ITGA4: variants seen among roughly 807,000 people sequenced by gnomAD.
ITGA4 encodes the protein integrin alpha-4.
Under a neutral mutation model 133.6 loss-of-function variants are expected in ITGA4, and 63 were observed. That is an observed-to-expected ratio of 0.47 (90% CI 0.38 to 0.58). The LOEUF (loss-of-function observed/expected upper bound fraction) is 0.58. ITGA4 is among the 20% of genes least tolerant of loss of function. ITGA4 has a pLI of 0.00. For missense variants in ITGA4, 1,076 were observed against 1,252.7 expected, an observed-to-expected ratio of 0.86 and a Z score of 2.13; for synonymous variants, 483 against 438.0, an observed-to-expected ratio of 1.10 and a Z score of -1.28.
chr2:181,476,455 A>G (rs1439417370), intron 4 of ITGA4, among the ~76,000 whole-genome samples: 1 of 152,176 alleles, frequency 6.6e-6, no homozygotes, highest in Non-Finnish European at 1.5e-5. Context: ...AATTTATTGA[A>G]GTTTTCTGCT....
rs189668801 is a variant in ITGA4, at chr2:181,494,985, G to T, written c.1339+173G>T. 2.9e-3 allele frequency among the ~76,000 whole-genome samples: 443 copies of T among 152,100 alleles called. 3 individuals are homozygous for T. Among genetic ancestry groups the T allele is most frequent in the South Asian group, 6.9e-3 (33 of 4,802 alleles). On this transcript the variant is annotated intron_variant, in intron 12 of 27. Transcript: ENST00000397033. ...CCTAAAATGATCAAGTAATTCCTCAGCTTAACAGTGCTAGTTACACAATGT... is the reference window on the plus strand; with the variant it reads ...CCTAAAATGATCAAGTAATTCCTCATCTTAACAGTGCTAGTTACACAATGT...
In ITGA4 at chr2:181,494,138, G is replaced by A. The variant is rs572915574; in HGVS notation, c.1249-584G>A. ...TATTTATAAACCTGTATGTGAACAT[G>A]AAATTAGATATGTGGAATAGAAAGT... On this transcript the variant is annotated intron_variant, in intron 11 of 27. Transcript: ENST00000397033. Among the ~76,000 whole-genome samples, 4 of 152,288 alleles carry A rather than the reference G, an allele frequency of 2.6e-5. No homozygotes were observed. The East Asian group carries it at 7.7e-4, about 29-fold the overall frequency.
In ITGA4 at chr2:181,457,679, C is replaced by T; in HGVS notation, c.25C>T (p.Pro9Ser). 6.2e-7 allele frequency: 1 copy of T among 1,610,990 alleles called. No homozygotes were observed. The change falls in exon 1 of 28, where the codon CCC becomes TCC. Residue 9 changes from proline (P) to serine (S), a missense_variant. Physicochemically the swap from Pro to Ser is moderately conservative, Grantham distance 74 (BLOSUM62 -1). This residue lies in a region of ITGA4 where 82 missense variants were observed against 68.3 expected (regional missense o/e 1.20). Transcript: ENST00000397033. ...CATGGCTTGGGAAGCGAGGCGCGAA[C>T]CCGGCCCCCGAAGGGCCGCCGTCCG... MAWEARRE[P>S]GPRRAAVRET...
intron 2 of ITGA4, among the ~76,000 whole-genome samples, chr2:181,460,583 G>A (rs368971412): frequency 5.9e-5 from 9 of 151,872 alleles, no homozygotes; most frequent in Non-Finnish European, 8.8e-5. Context: ...GTGTGTGTGT[G>A]TGTGTGTGTG....
chr2:181,480,034 T>A, intron 5 of ITGA4, 103 bp from the exon 6 acceptor site: 1 of 701,286 alleles, frequency 1.4e-6, no homozygotes, highest in South Asian at 3.6e-5. Flanking sequence ...ACTTCAGGAA[T>A]TGATTATTAT....
At chr2:181,490,527 CTGTGTG>C (rs746431946) in intron 10 of ITGA4, among the ~76,000 whole-genome samples, 10,256 of 92,572 alleles carry the variant, frequency 0.11, 466 homozygotes, top group Admixed American at 0.19. Flanking sequence ...GTGTGTGTGT[CTGTGTG>C]TGTGAGAGAG....
At chr2:181,460,802 C>T (rs1685258197) in intron 2 of ITGA4, among the ~76,000 whole-genome samples, 1 of 151,470 alleles carries the variant, frequency 6.6e-6, no homozygotes, top group South Asian at 2.1e-4. Flanking sequence ...ATAAACTGAA[C>T]CAAAAGTTTA....
chr2:181,485,784 A>T, intron 9 of ITGA4, 97 bp from the exon 10 acceptor site: 1 of 992,764 alleles, frequency 1.0e-6, no homozygotes, highest in Non-Finnish European at 1.5e-6. Context: ...AACTTGTTTG[A>T]CACATTAGAA....
chr2:181,482,662 G>A lies in ITGA4; in HGVS notation c.1041+11G>A. 6.2e-7 allele frequency: 1 copy of A among 1,611,872 alleles called. No homozygotes were observed. The highest frequency in any genetic ancestry group is 1.1e-5 in the South Asian group (1 of 90,976). On this transcript the variant is annotated intron_variant, in intron 9 of 27. Coordinates refer to ENST00000397033, the MANE Select transcript of ITGA4 (RefSeq NM_000885.6). ...ATCAACTCTGGCTCGGTATGTCCAAGTGCCCCAACTGGAAGCCATTTATGG... is the reference window on the plus strand; with the variant it reads ...ATCAACTCTGGCTCGGTATGTCCAAATGCCCCAACTGGAAGCCATTTATGG...
chr2:181,526,586 G>A (rs1176500588), intron 21 of ITGA4, among the ~76,000 whole-genome samples: 1 of 152,082 alleles, frequency 6.6e-6, no homozygotes, highest in East Asian at 1.9e-4. Flanking sequence ...GTAGCCAGCA[G>A]GGATCATGAG....
At chr2:181,470,259 CAA>C (rs1487688395) in intron 2 of ITGA4, among the ~76,000 whole-genome samples, 1 of 150,984 alleles carries the variant, frequency 6.6e-6, no homozygotes, top group East Asian at 1.9e-4. Flanking sequence ...ATCAATATGT[CAA>C]AGAGGAAAAA....
intron 18 of ITGA4, among the ~76,000 whole-genome samples, chr2:181,522,854 C>G (rs1478839598): frequency 6.6e-6 from 1 of 152,150 alleles, no homozygotes; most frequent in Non-Finnish European, 1.5e-5. Flanking sequence ...GCGCTACTTG[C>G]AAAAGTAACA....
At chr2:181,522,849 A>G (rs1686748368) in intron 18 of ITGA4, among the ~76,000 whole-genome samples, 1 of 152,214 alleles carries the variant, frequency 6.6e-6, no homozygotes, top group African/African-American at 2.4e-5. Flanking sequence ...TGTTTGCGCT[A>G]CTTGCAAAAG....
Position 181,536,672 on chromosome 2 carries a change from T to C in ITGA4, c.*1145T>C, listed in dbSNP as rs1244253190. The C allele has an allele frequency of 5.6e-6, 1 of 178,474 alleles. No homozygotes were observed. Among genetic ancestry groups the C allele is most frequent in the African/African-American group, 2.4e-5 (1 of 41,600 alleles). The allele number at this position is 178,474 out of a possible 1,614,324, so 11.1% of individuals were successfully genotyped here. A position where few individuals can be genotyped will look rare whatever the true frequency, so the allele number is the denominator to read the frequency against. ...GAATATAAATGAGACGACAGCAAAA[T>C]TTTCATGAAATGTAAAATATTTTTA... On this transcript the variant is annotated 3_prime_UTR_variant, in exon 28 of 28. Transcript: ENST00000397033.
chr2:181,474,413 A>G (rs1306451433), intron 2 of ITGA4, among the ~76,000 whole-genome samples: 1 of 152,248 alleles, frequency 6.6e-6, no homozygotes, highest in Non-Finnish European at 1.5e-5. Flanking sequence ...ATGTAAACAT[A>G]GGGCAGTTTC....
At chr2:181,458,958 A>G (rs951501170) in intron 2 of ITGA4, 2 of 152,482 alleles carry the variant, frequency 1.3e-5, no homozygotes, top group African/African-American at 4.8e-5. Flanking sequence ...ACAAGTTGAA[A>G]AATGTGTACT....
chr2:181,459,911 A>T (rs776894629), intron 2 of ITGA4, among the ~76,000 whole-genome samples: 18 of 152,230 alleles, frequency 1.2e-4, no homozygotes, highest in Non-Finnish European at 1.9e-4. Context: ...GTCTGTGTTT[A>T]ACTGGATAAA....
At position 181,492,519 on chromosome 2, in the gene ITGA4, A is replaced by G. The variant is rs537900130; in HGVS notation, c.1154-806A>G. Among the ~76,000 whole-genome samples the G allele has an allele frequency of 1.5e-4, 22 of 149,818 alleles. No homozygotes were observed. The South Asian group carries it at 2.8e-3, about 19-fold the overall frequency. On this transcript the variant is annotated intron_variant, in intron 10 of 27. Coordinates refer to ENST00000397033, the MANE Select transcript of ITGA4 (RefSeq NM_000885.6). ...GTAAATATATGCATAAATAGACAAT[A>G]CTTGGTAAAATAATGAAATGCTCTT... is the stretch of plus-strand genomic sequence containing the variant.
rs145579242 is a variant in ITGA4 at position 181,481,494 on chromosome 2, G to A, written c.755-104G>A. The A allele has an allele frequency of 1.2e-4, 57 of 460,456 alleles. 1 individual carries two copies. The East Asian group carries it at 2.0e-3, about 16-fold the overall frequency. The allele number at this position is 460,456 out of a possible 1,614,324, so 28.5% of individuals were successfully genotyped here. On this transcript the variant is annotated intron_variant, in intron 6 of 27. Transcript: ENST00000397033. The stretch of plus-strand genomic sequence containing the variant: ...TAAATATTCTTAACTGCTTAATGTA[G>A]TGATTTTGAATTCGGTATCATTTAA...
Sources: gnomAD v4.1 joint callset for allele counts (sites outside exome capture counted in the v4.1 genomes callset) on GRCh38, gnomAD v4.1.1 for gene constraint, gnomAD v4.1.1 regional missense constraint, MANE v1.5 for transcripts, NCBI Gene and HGNC (gene_info 2026-07-23, HGNC 2026-07-21) for gene names.